Variants in CAST observed in about 807,000 individuals in gnomAD.
The protein encoded by CAST is calpastatin, also known as MIR583 host.
A neutral mutation model predicts 119.6 loss-of-function variants in CAST; 76 were observed. That is an observed-to-expected ratio of 0.64 (90% CI 0.53 to 0.77). CAST has a LOEUF of 0.77. Among genes scored for constraint, CAST ranks in the 30% least tolerant of loss-of-function variants. CAST has a pLI of 0.00. For synonymous variants in CAST, 319 were observed against 331.6 expected (o/e 0.96, Z 0.41); for missense variants, 953 against 946.5 (o/e 1.01, Z -0.09).
the CAST span, among the ~76,000 whole-genome samples, chr5:96,117,766 C>T: frequency 7.2e-5 from 11 of 152,260 alleles, no homozygotes; most frequent in South Asian, 8.3e-4. Context: ...CCAGGAAGCA[C>T]CAACTCTTTA....
intron 2 of CAST, among the ~76,000 whole-genome samples, chr5:96,686,408 G>C (rs1752089447): frequency 6.6e-6 from 1 of 152,148 alleles, no homozygotes; most frequent in Non-Finnish European, 1.5e-5. Context: ...AAGTGGGAAG[G>C]ATAACTCAAG....
the CAST span, chr5:96,412,626 C>A: frequency 1.3e-6 from 1 of 790,254 alleles, no homozygotes; most frequent in South Asian, 1.7e-5. Context: ...ATAGATGTCC[C>A]CAATTTCTGT....
At chr5:96,740,816 T>TAATA in intron 13 of CAST, 33 bp downstream of exon 13, 4 of 1,445,316 alleles carry the variant, frequency 2.8e-6, no homozygotes, top group Non-Finnish European at 3.9e-6. Flanking sequence ...TGATCTAAAT[T>TAATA]AATAGTTTTA....
At chr5:96,469,419 T>A in the CAST span, among the ~76,000 whole-genome samples, 1 of 152,164 alleles carries the variant, frequency 6.6e-6, no homozygotes, top group African/African-American at 2.4e-5. Flanking sequence ...TGAAGTGGTC[T>A]CCTTTCTCCT....
In CAST at chr5:96,729,680, C is replaced by T; in HGVS notation, c.504C>T (p.Ser168=). 1 of 1,593,554 alleles carries T rather than the reference C, an allele frequency of 6.3e-7. No individual in the cohort carries two copies. Among genetic ancestry groups the T allele is most frequent in the East Asian group, 2.2e-5 (1 of 44,764 alleles). Residue 168 remains serine, a synonymous_variant, in exon 8 of 32, where the codon TCC becomes TCT. Transcript: ENST00000675179. ...ATGCTCACAATAAAAAAGCAGTTTC[C>T]AGATCAGCTGAACAGCAGCCATCAG... is the stretch of plus-strand genomic sequence containing the variant. ...SNDAHNKKAV[S]RSAEQQPSEK...
chr5:96,099,773 C>T, the CAST span, among the ~76,000 whole-genome samples: 6 of 152,056 alleles, frequency 3.9e-5, no homozygotes, highest in East Asian at 1.9e-4. Flanking sequence ...CAAGGATATT[C>T]GCCTGAAGTT....
At chr5:96,280,133 G>T in the CAST span, among the ~76,000 whole-genome samples, 1 of 152,044 alleles carries the variant, frequency 6.6e-6, no homozygotes, top group African/African-American at 2.4e-5. Flanking sequence ...AAATAATCAG[G>T]CCTACTGGTG....
intron 3 of CAST, 64 bp downstream of exon 3, chr5:96,695,971 G>C: frequency 9.4e-7 from 1 of 1,069,104 alleles, no homozygotes; most frequent in Non-Finnish European, 1.4e-6. Flanking sequence ...ATTAGTGGGT[G>C]GGGCCTGTAG....
the CAST span, among the ~76,000 whole-genome samples, chr5:96,320,426 T>C: frequency 6.6e-6 from 1 of 151,752 alleles, no homozygotes; most frequent in Non-Finnish European, 1.5e-5. Flanking sequence ...TTAGTAGAGA[T>C]GGGGTTTCAC....
the CAST span, among the ~76,000 whole-genome samples, chr5:96,050,518 C>T: frequency 6.6e-6 from 1 of 152,028 alleles, no homozygotes; most frequent in African/African-American, 2.4e-5. Flanking sequence ...TTGAGATGGG[C>T]GTGTGTGGTA....
intron 1 of CAST, among the ~76,000 whole-genome samples, chr5:96,598,020 G>T (rs989575251): frequency 1.3e-5 from 2 of 152,136 alleles, no homozygotes; most frequent in African/African-American, 4.8e-5. Flanking sequence ...TCCCCACAGG[G>T]TCAAGATGAC....
the CAST span, among the ~76,000 whole-genome samples, chr5:96,267,705 C>G: frequency 6.6e-6 from 1 of 151,904 alleles, no homozygotes; most frequent in African/African-American, 2.4e-5. Flanking sequence ...AAAAAAAATC[C>G]CACTAATGTG....
the CAST span, among the ~76,000 whole-genome samples, chr5:96,500,636 C>T: frequency 2.0e-5 from 3 of 152,206 alleles, no homozygotes; most frequent in Non-Finnish European, 4.4e-5. Flanking sequence ...CCTCCAAACA[C>T]AGGAAGGCTA....
At chr5:96,009,692 A>G in the CAST span, among the ~76,000 whole-genome samples, 1 of 152,048 alleles carries the variant, frequency 6.6e-6, no homozygotes, top group Non-Finnish European at 1.5e-5. Context: ...TCTGGATATT[A>G]GACCTTTGTT....
the CAST span, among the ~76,000 whole-genome samples, chr5:96,322,871 G>A: frequency 6.6e-6 from 1 of 152,274 alleles, no homozygotes; most frequent in South Asian, 2.1e-4. Context: ...GAAACCAGAG[G>A]TAGCTGCTTT....
the CAST span, among the ~76,000 whole-genome samples, chr5:96,359,517 A>G: frequency 1.3e-5 from 2 of 151,850 alleles, no homozygotes; most frequent in African/African-American, 4.8e-5. Context: ...AGCTCTTGTA[A>G]GGCAGGCCTG....
At chr5:96,631,563 G>C (rs1747818574) in intron 1 of CAST, among the ~76,000 whole-genome samples, 1 of 134,884 alleles carries the variant, frequency 7.4e-6, no homozygotes, top group African/African-American at 2.6e-5. Context: ...GAACGTTTGT[G>C]TAAAAGTTTT....
At chr5:96,479,997 A>C in the CAST span, among the ~76,000 whole-genome samples, 3 of 152,214 alleles carry the variant, frequency 2.0e-5, no homozygotes, top group Non-Finnish European at 4.4e-5. Flanking sequence ...TGGGTTTATC[A>C]AGAAAAGAAG....
chr5:96,267,879 C>A, the CAST span, among the ~76,000 whole-genome samples: 1 of 151,974 alleles, frequency 6.6e-6, no homozygotes. Flanking sequence ...AAGATATAGG[C>A]AATATAAAAC....
Sources: gnomAD v4.1 joint callset for allele counts (sites outside exome capture counted in the v4.1 genomes callset) on GRCh38, gnomAD v4.1.1 for gene constraint, MANE v1.5 for transcripts, NCBI Gene and HGNC (gene_info 2026-07-23, HGNC 2026-07-21) for gene names.